The following PLEKHO2 variants were observed in gnomAD, a reference collection of about 807,000 sequenced individuals.
The protein encoded by PLEKHO2 is pleckstrin homology domain containing O2, also known as pleckstrin homology domain-containing family O member 2.
Under a neutral mutation model 32.7 loss-of-function variants are expected in PLEKHO2, and 20 were observed. That is an observed-to-expected ratio of 0.61 (90% CI 0.43 to 0.89). PLEKHO2 has a LOEUF of 0.89. Ranked by LOEUF, PLEKHO2 falls within the 40% of genes least tolerant of loss-of-function variation. The probability of loss-of-function intolerance (pLI) is 0.00; values close to 1 mark genes in which losing one functional copy is unlikely to be tolerated. For synonymous variants in PLEKHO2, 247 were observed against 246.3 expected, an observed-to-expected ratio of 1.00 and a Z score of -0.03; for missense variants, 568 against 621.2, an observed-to-expected ratio of 0.91 and a Z score of 0.91.
chr15:64,854,899 T>G, intron 2 of PLEKHO2, 22 bp from the exon 3 acceptor site: 1 of 1,589,984 alleles, frequency 6.3e-7, no homozygotes, highest in Middle Eastern at 1.7e-4. Context: ...CCAGCTCATG[T>G]CCCTTCTGTC....
At chr15:64,846,068 G>A (rs963933281) in intron 1 of PLEKHO2, among the ~76,000 whole-genome samples, 1 of 152,192 alleles carries the variant, frequency 6.6e-6, no homozygotes, top group Non-Finnish European at 1.5e-5. Flanking sequence ...TGAAATGTGG[G>A]GGTGGGGTTT....
In PLEKHO2 at chr15:64,859,915, G is replaced by A. The variant is rs1478642933; in HGVS notation, c.301G>A (p.Ala101Thr). The part of the protein sequence containing the change: ...GNKVSDIKFQ[A>T]PTGEEKESWI... The stretch of plus-strand genomic sequence containing the variant: ...ACAGGTCAGCGACATCAAATTCCAG[G>A]CACCCACCGGGGAGGAGAAGGAATC... The change falls in exon 4 of 6, where the codon GCA becomes ACA. Residue 101 changes from alanine (A) to threonine (T), a missense_variant. Ala to Thr is a moderately conservative substitution (Grantham distance 58, BLOSUM62 0). Transcript: ENST00000323544. 6.2e-7 allele frequency: 1 copy of A among 1,614,182 alleles called. No individual in the cohort carries two copies. Among genetic ancestry groups the A allele is most frequent in the Admixed American group, 1.7e-5 (1 of 60,032 alleles).
intron 5 of PLEKHO2, among the ~76,000 whole-genome samples, chr15:64,863,274 T>TC (rs1398324988): frequency 3.9e-5 from 6 of 152,104 alleles, no homozygotes; most frequent in Non-Finnish European, 5.9e-5. Context: ...TTTAGGGCTG[T>TC]CCCGGGGTGC....
At chr15:64,863,519 TTGTGTGTG>T (rs147780306) in intron 5 of PLEKHO2, among the ~76,000 whole-genome samples, 179 of 145,158 alleles carry the variant, frequency 1.2e-3, no homozygotes, top group South Asian at 2.9e-3. Flanking sequence ...GTGTGTGTGT[TTGTGTGTG>T]TGTGTGTGTG....
chr15:64,861,583 C>A lies in PLEKHO2; in HGVS notation c.483+8C>A. Reference sequence around the variant, plus strand: ...AGAGTCCACCTGAAGGAGGTAGGGCCTTACCCAGTGTGGATGTTGGGGTTA... The same window carrying A: ...AGAGTCCACCTGAAGGAGGTAGGGCATTACCCAGTGTGGATGTTGGGGTTA... On this transcript the variant is annotated splice_region_variant and intron_variant, in intron 5 of 5. Transcript: ENST00000323544. The A allele has an allele frequency of 1.3e-6, 2 of 1,584,972 alleles. No individual in the cohort carries two copies. Among genetic ancestry groups the A allele is most frequent in the Non-Finnish European group, 8.6e-7 (1 of 1,166,868 alleles).
rs1204673111 is a variant in PLEKHO2, at chr15:64,865,601, G to A, written c.1186G>A (p.Gly396Arg). ...CTGCTCCTCCCTTGGGGACTTGCTT[G>A]GGGAAGGCCCGCGGCATCCCTTGCA... ...PRCSSLGDLLGEGPRHPLQPR... is the reference protein window; with the variant it reads ...PRCSSLGDLLREGPRHPLQPR... Residue 396 changes from glycine (G) to arginine (R), a missense_variant, in exon 6 of 6, where the codon GGG becomes AGG. Physicochemically the swap from Gly to Arg is moderately radical, Grantham distance 125 (BLOSUM62 -2). Transcript: ENST00000323544. The A allele has an allele frequency of 1.2e-6, 2 of 1,614,084 alleles. No individual in the cohort carries two copies. Among genetic ancestry groups the A allele is most frequent in the Non-Finnish European group, 1.7e-6 (2 of 1,180,038 alleles).
intron 3 of PLEKHO2, among the ~76,000 whole-genome samples, chr15:64,856,725 A>G (rs975451552): frequency 2.6e-5 from 4 of 152,194 alleles, no homozygotes; most frequent in African/African-American, 9.7e-5. Context: ...GAAACAGTGC[A>G]TCCTGGTTCC....
chr15:64,855,076 C>A, intron 3 of PLEKHO2, 39 bp downstream of exon 3: 1 of 1,514,370 alleles, frequency 6.6e-7, no homozygotes, highest in Non-Finnish European at 9.0e-7. Flanking sequence ...TCCCTCTAGC[C>A]CAGAGTCAGC....
At chr15:64,863,697 G>A (rs2084660656) in intron 5 of PLEKHO2, among the ~76,000 whole-genome samples, 1 of 151,856 alleles carries the variant, frequency 6.6e-6, no homozygotes, top group African/African-American at 2.4e-5. Flanking sequence ...AGGCTGCAGT[G>A]AGCTGTGACC....
Position 64,866,003 on chromosome 15 carries a change from G to A in PLEKHO2, c.*115G>A. On this transcript the variant is annotated 3_prime_UTR_variant, in exon 6 of 6. Coordinates refer to ENST00000323544, the MANE Select transcript of PLEKHO2 (RefSeq NM_025201.5). ...CAGCAATGGCTGCAGGAGGGCCATTGGGCATGTCAGGGTTTGGCCATGACC... is the reference window on the plus strand; with the variant it reads ...CAGCAATGGCTGCAGGAGGGCCATTAGGCATGTCAGGGTTTGGCCATGACC... 3.0e-6 allele frequency: 4 copies of A among 1,322,998 alleles called. No homozygotes were observed. Among genetic ancestry groups the A allele is most frequent in the Non-Finnish European group, 4.1e-6 (4 of 987,490 alleles). The allele number at this position is 1,322,998 out of a possible 1,614,324, so 82.0% of individuals were successfully genotyped here. A position where few individuals can be genotyped will look rare whatever the true frequency, so the allele number is the denominator to read the frequency against.
Position 64,860,010 on chromosome 15 carries a change from T to C in PLEKHO2, c.384+12T>C. 6.2e-7 allele frequency: 1 copy of C among 1,609,560 alleles called. No individual in the cohort carries two copies. Among genetic ancestry groups the C allele is most frequent in the East Asian group, 2.2e-5 (1 of 44,844 alleles). On this transcript the variant is annotated intron_variant, in intron 4 of 5. Transcript: ENST00000323544. Reference sequence around the variant, plus strand: ...AGGCTTTCGATGAGGTGCGATGCAGTCTGTGGACATGGACAGCTCTGTGTC... The same window carrying C: ...AGGCTTTCGATGAGGTGCGATGCAGCCTGTGGACATGGACAGCTCTGTGTC...
rs763617295 is a variant in PLEKHO2 at position 64,854,958 on chromosome 15, G to C, written c.200G>C (p.Ser67Thr). The C allele has an allele frequency of 6.2e-7, 1 of 1,612,272 alleles. No individual in the cohort carries two copies. Among genetic ancestry groups the C allele is most frequent in the South Asian group, 1.1e-5 (1 of 90,330 alleles). The change falls in exon 3 of 6, where the codon AGC becomes ACC. Residue 67 changes from serine to threonine, a missense_variant. Physicochemically the swap from Ser to Thr is moderately conservative, Grantham distance 58 (BLOSUM62 1). Transcript: ENST00000323544. ...QKCVETVELG[S>T]YEKCQDLRAL... is the part of the protein sequence containing the mutation. ...TGTGTGGAGACTGTGGAGCTGGGCA[G>C]CTATGAGAAGTGCCAGGACCTTCGT... is the stretch of plus-strand genomic sequence containing the variant.
chr15:64,863,300 G>A (rs184529005), intron 5 of PLEKHO2, among the ~76,000 whole-genome samples: 41 of 152,246 alleles, frequency 2.7e-4, no homozygotes, highest in South Asian at 1.5e-3. Context: ...TGGGTTTGCC[G>A]GAGGGAGGGA....
intron 1 of PLEKHO2, among the ~76,000 whole-genome samples, chr15:64,846,127 A>G (rs2084520109): frequency 6.6e-6 from 1 of 152,050 alleles, no homozygotes; most frequent in Non-Finnish European, 1.5e-5. Context: ...GACAGCCTGC[A>G]GGGCTCGCTG....
intron 1 of PLEKHO2, among the ~76,000 whole-genome samples, chr15:64,843,546 C>T (rs2084500552): frequency 6.6e-6 from 1 of 152,014 alleles, no homozygotes; most frequent in African/African-American, 2.4e-5. Context: ...TCTGTACACC[C>T]TTGGTCCTGA....
chr15:64,859,780 A>C, intron 3 of PLEKHO2, 114 bp from the exon 4 acceptor site: 1 of 828,582 alleles, frequency 1.2e-6, no homozygotes, highest in South Asian at 1.5e-5. Flanking sequence ...TGTCATACTT[A>C]ACTGTGGGGT....
intron 5 of PLEKHO2, among the ~76,000 whole-genome samples, chr15:64,864,179 A>G (rs1202902832): frequency 6.6e-6 from 1 of 152,262 alleles, no homozygotes; most frequent in African/African-American, 2.4e-5. Context: ...GGAGGGTCTC[A>G]TGACTGTGGG....
At chr15:64,856,349 T>G (rs996048492) in intron 3 of PLEKHO2, among the ~76,000 whole-genome samples, 3 of 152,110 alleles carry the variant, frequency 2.0e-5, no homozygotes, top group Non-Finnish European at 4.4e-5. Context: ...CTTTTTTTAA[T>G]GCAGGTGAGT....
intron 1 of PLEKHO2, among the ~76,000 whole-genome samples, chr15:64,842,573 G>A (rs77244653): frequency 7.2e-5 from 11 of 152,160 alleles, no homozygotes; most frequent in African/African-American, 2.2e-4. Flanking sequence ...GAGGATTGGA[G>A]AAGTTGCTTT....
Sources: allele counts gnomAD v4.1 joint callset (sites outside exome capture counted in the v4.1 genomes callset), GRCh38; gene constraint gnomAD v4.1.1; transcripts MANE v1.5; gene names NCBI Gene and HGNC (gene_info 2026-07-23, HGNC 2026-07-21).